Variants in EPB41L3 observed in about 807,000 individuals in gnomAD.
The protein encoded by EPB41L3 is erythrocyte membrane protein band 4.1 like 3.
Under a neutral mutation model 127.1 loss-of-function variants are expected in EPB41L3, and 57 were observed. The observed-to-expected ratio is 0.45, with a 90% CI of 0.36 to 0.56. The LOEUF (loss-of-function observed/expected upper bound fraction) is 0.56. Among genes scored for constraint, EPB41L3 ranks in the 20% least tolerant of loss-of-function variants. The pLI, the probability that EPB41L3 is intolerant of heterozygous loss-of-function variation, is 0.00. For synonymous variants in EPB41L3, 572 were observed against 549.5 expected, an observed-to-expected ratio of 1.04 and a Z score of -0.57; for missense variants, 1,273 against 1,372.2, an observed-to-expected ratio of 0.93 and a Z score of 1.14.
rs576602309 is a variant in EPB41L3 at position 5,415,766 on chromosome 18, G to A, written c.2067+52C>T. 1.7e-5 allele frequency: 27 copies of A among 1,543,246 alleles called. 1 individual carries two copies. The African/African-American group carries it at 3.0e-4, about 17-fold the overall frequency. On this transcript the variant is annotated intron_variant, in intron 13 of 22. Coordinates refer to ENST00000341928, the MANE Select transcript of EPB41L3 (RefSeq NM_012307.5). ...GCAGCAGCCAGCTAACACTGTTTCG[G>A]ACTCAAGCACGGAACACGAAGGGGA... is the stretch of plus-strand genomic sequence containing the variant.
intron 3 of EPB41L3, among the ~76,000 whole-genome samples, chr18:5,564,239 C>A (rs535682453): frequency 2.2e-4 from 33 of 152,024 alleles, no homozygotes; most frequent in Non-Finnish European, 3.8e-4. Flanking sequence ...GATACTACTA[C>A]TAATAATAAT....
rs1393925550 is a variant in EPB41L3, at chr18:5,489,016, G to A, written c.168C>T (p.Thr56=). Residue 56 remains threonine (T), a synonymous_variant, in exon 2 of 23, where the codon ACC becomes ACT. Coordinates refer to ENST00000341928, the MANE Select transcript of EPB41L3 (RefSeq NM_012307.5). ...CTGGGCTCACCTCCCTCCGCACCGG[G>A]GTGCTGTGCGCTGCAGCGGCGGCGA... ...EQFAAAAAHS[T]PVRREVTDKE... The A allele has an allele frequency of 6.3e-7, 1 of 1,584,946 alleles. No homozygotes were observed. The highest frequency in any genetic ancestry group is 1.1e-5 in the South Asian group (1 of 89,676).
upstream of EPB41L3, among the ~76,000 whole-genome samples, chr18:5,549,204 T>G (rs911973421): frequency 6.6e-6 from 1 of 152,236 alleles, no homozygotes; most frequent in Non-Finnish European, 1.5e-5. Flanking sequence ...TTTCTTAATT[T>G]AATTCCTGTT....
At chr18:5,410,334 C>T (rs932305207) in intron 14 of EPB41L3, among the ~76,000 whole-genome samples, 5 of 152,156 alleles carry the variant, frequency 3.3e-5, no homozygotes, top group African/African-American at 1.2e-4. Context: ...CAAGTCCACC[C>T]CCAGCTCTTC....
chr18:5,485,748 A>G (rs1383461460), intron 2 of EPB41L3, among the ~76,000 whole-genome samples: 1 of 152,092 alleles, frequency 6.6e-6, no homozygotes, highest in Non-Finnish European at 1.5e-5. Context: ...CAATAGCTAC[A>G]AAATATAAAA....
intron 8 of EPB41L3, among the ~76,000 whole-genome samples, chr18:5,430,914 C>A (rs1309563699): frequency 6.6e-6 from 1 of 152,036 alleles, no homozygotes; most frequent in Admixed American, 6.6e-5. Flanking sequence ...CATGTGCATT[C>A]CACTATCAAT....
chr18:5,606,910 C>G (rs370449023), intron 3 of EPB41L3, among the ~76,000 whole-genome samples: 47 of 112,950 alleles, frequency 4.2e-4, no homozygotes, highest in African/African-American at 5.9e-4. Context: ...CTCTCTCTCT[C>G]TCTCTGTCTC....
intron 1 of EPB41L3, chr18:5,614,513 A>G (rs1473455964): frequency 1.3e-5 from 2 of 152,190 alleles, no homozygotes; most frequent in Non-Finnish European, 2.9e-5. Context: ...GCTCATGGCC[A>G]CTTCTACAAG....
Position 5,406,827 on chromosome 18 carries a change from C to T in EPB41L3, c.2299G>A (p.Ala767Thr), listed in dbSNP as rs748100641. The part of the protein sequence containing the change: ...KRLSTSPVRL[A>T]ARQEDAPMIE... ...ATGGGGGCATCCTCCTGCCTGGCGG[C>T]CAGTCGCACGGGGGAGGTGGAAAGC... Residue 767 changes from alanine (A) to threonine (T), a missense_variant, in exon 16 of 23, where the codon GCC becomes ACC. Around this residue, in one of 3 missense-constraint regions of EPB41L3, gnomAD observed 765 missense variants for 782.9 expected, o/e 0.98. Transcript: ENST00000341928. 3 of 1,614,198 alleles carry T rather than the reference C, an allele frequency of 1.9e-6. No homozygotes were observed. The highest frequency in any genetic ancestry group is 2.5e-6 in the Non-Finnish European group (3 of 1,180,024).
chr18:5,524,773 G>A (rs1230392781), intron 1 of EPB41L3, among the ~76,000 whole-genome samples: 4 of 152,244 alleles, frequency 2.6e-5, no homozygotes, highest in African/African-American at 9.6e-5. Flanking sequence ...GAGAATGTGT[G>A]GAGCTAGCGT....
At chr18:5,467,188 C>T (rs1194762461) in intron 3 of EPB41L3, among the ~76,000 whole-genome samples, 2 of 152,146 alleles carry the variant, frequency 1.3e-5, no homozygotes, top group Non-Finnish European at 2.9e-5. Flanking sequence ...TTCCATACAC[C>T]ACTCTGAAGA....
At chr18:5,421,110 A>G (rs1393765206) in intron 11 of EPB41L3, among the ~76,000 whole-genome samples, 2 of 152,214 alleles carry the variant, frequency 1.3e-5, no homozygotes, top group Non-Finnish European at 2.9e-5. Context: ...CAGGACCGCA[A>G]GGAGTGAGAG....
chr18:5,415,482 A>C (rs1039057659), intron 13 of EPB41L3, among the ~76,000 whole-genome samples: 1 of 152,186 alleles, frequency 6.6e-6, no homozygotes, highest in African/African-American at 2.4e-5. Flanking sequence ...TACCTTATTA[A>C]ACCATAACTG....
At chr18:5,499,164 C>G (rs991552393) in intron 1 of EPB41L3, among the ~76,000 whole-genome samples, 3 of 152,180 alleles carry the variant, frequency 2.0e-5, no homozygotes, top group African/African-American at 7.2e-5. Context: ...ACATGCTCAG[C>G]TCACCCCAAC....
intron 3 of EPB41L3, among the ~76,000 whole-genome samples, chr18:5,596,062 T>C (rs900360153): frequency 5.9e-5 from 9 of 152,212 alleles, no homozygotes; most frequent in African/African-American, 2.2e-4. Context: ...CTTCCTGAGA[T>C]GCTTAAACAA....
intron 3 of EPB41L3, among the ~76,000 whole-genome samples, chr18:5,578,411 A>T (rs1441870129): frequency 1.3e-5 from 2 of 152,182 alleles, no homozygotes; most frequent in African/African-American, 2.4e-5. Context: ...GCCTCTTAAA[A>T]TGTTTGTTAT....
At position 5,564,507 on chromosome 18, in the gene EPB41L3, G is replaced by C. The variant is rs187021139; in HGVS notation, c.-306+47833C>G. On this transcript the variant is annotated intron_variant, in intron 3 of 21. Coordinates refer to the EPB41L3 transcript ENST00000545076. Reference sequence around the variant, plus strand: ...TACAGGGAAAGGAATCACAGAGATGGAAAGGTTGGGATTATGGAGCCGATG... The same window carrying C: ...TACAGGGAAAGGAATCACAGAGATGCAAAGGTTGGGATTATGGAGCCGATG... Among the ~76,000 whole-genome samples the C allele has an allele frequency of 2.5e-3, 381 of 152,250 alleles. 13 individuals carry two copies. Among genetic ancestry groups the C allele is most frequent in the Admixed American group, 0.024 (366 of 15,296 alleles).
chr18:5,604,661 C>G (rs976614428), intron 3 of EPB41L3, among the ~76,000 whole-genome samples: 1 of 152,068 alleles, frequency 6.6e-6, no homozygotes, highest in Non-Finnish European at 1.5e-5. Flanking sequence ...ACCATGTTGG[C>G]CAGGCTGGTC....
intron 3 of EPB41L3, among the ~76,000 whole-genome samples, chr18:5,602,548 G>C (rs140686149): frequency 6.6e-6 from 1 of 152,150 alleles, no homozygotes; most frequent in Non-Finnish European, 1.5e-5. Context: ...GGGCTCAAGC[G>C]ATCTTCCCAT....
Sources: allele counts gnomAD v4.1 joint callset (sites outside exome capture counted in the v4.1 genomes callset), GRCh38; gene constraint gnomAD v4.1.1; regional missense constraint gnomAD v4.1.1; transcripts MANE v1.5; gene names NCBI Gene and HGNC (gene_info 2026-07-23, HGNC 2026-07-21).